The following SORCS2 variants were observed in gnomAD, a reference collection of about 807,000 sequenced individuals.
The protein encoded by SORCS2 is sortilin related VPS10 domain containing receptor 2, also known as VPS10 domain-containing receptor SorCS2.
Under a neutral mutation model 141.6 loss-of-function variants are expected in SORCS2, and 100 were observed. The observed-to-expected ratio is 0.71, with a 90% CI of 0.60 to 0.83. The LOEUF is 0.83. SORCS2 is among the 40% of genes least tolerant of loss of function. SORCS2 has a pLI of 0.00. For synonymous variants in SORCS2, 789 were observed against 676.9 expected (o/e 1.17, Z -2.57); for missense variants, 1,646 against 1,560.2 (o/e 1.05, Z -0.93).
chr4:7,344,477 C>T (rs1720538069), intron 1 of SORCS2, among the ~76,000 whole-genome samples: 1 of 152,226 alleles, frequency 6.6e-6, no homozygotes, highest in African/African-American at 2.4e-5. Context: ...CTCTGCTCTG[C>T]TCCTTCATCA....
At chr4:7,348,290 G>A (rs986989453) in intron 1 of SORCS2, among the ~76,000 whole-genome samples, 2 of 151,926 alleles carry the variant, frequency 1.3e-5, no homozygotes, top group African/African-American at 4.8e-5. Flanking sequence ...TTCATTCAGA[G>A]AAAGCATATT....
At chr4:7,508,334 A>G (rs1295328999) in intron 2 of SORCS2, among the ~76,000 whole-genome samples, 1 of 138,594 alleles carries the variant, frequency 7.2e-6, no homozygotes, top group African/African-American at 2.6e-5. Flanking sequence ...TTACCTGAGG[A>G]TGCTGAGATC....
intron 11 of SORCS2, among the ~76,000 whole-genome samples, chr4:7,690,435 T>G (rs1050267942): frequency 6.9e-5 from 10 of 145,776 alleles, no homozygotes; most frequent in Middle Eastern, 3.5e-3. Context: ...TGTGGGTGGG[T>G]GGATGGATGG....
intron 1 of SORCS2, among the ~76,000 whole-genome samples, chr4:7,194,609 G>C (rs1476911131): frequency 6.6e-6 from 1 of 152,140 alleles, no homozygotes; most frequent in Non-Finnish European, 1.5e-5. Flanking sequence ...GGGCCAGCAG[G>C]GGGCAGTCAG....
rs906300486 is a variant in SORCS2 at position 7,711,845 on chromosome 4, G to A, written c.1869-888G>A. Among the ~76,000 whole-genome samples, 4 of 152,190 alleles carry A rather than the reference G, an allele frequency of 2.6e-5. No homozygotes were observed. The South Asian group carries it at 8.3e-4, about 32-fold the overall frequency. On this transcript the variant is annotated intron_variant, in intron 14 of 26. Transcript: ENST00000507866. ...GCTTCCAGCACCCATGGATGCCGCA[G>A]GGTGCCTCCCCACCTCCAAGAAGTC...
chr4:7,446,702 G>C (rs140705150), intron 2 of SORCS2, among the ~76,000 whole-genome samples: 1 of 152,166 alleles, frequency 6.6e-6, no homozygotes, highest in Non-Finnish European at 1.5e-5. Flanking sequence ...CCTGTTCCTG[G>C]CATACAAGGG....
rs200230165 is a variant in SORCS2 at position 7,729,662 on chromosome 4, C to T, written c.3058C>T (p.Leu1020Phe). 20 of 1,607,434 alleles carry T rather than the reference C, an allele frequency of 1.2e-5. No individual in the cohort carries two copies. Among genetic ancestry groups the T allele is most frequent in the Middle Eastern group, 3.3e-4 (2 of 6,054 alleles). Residue 1020 changes from leucine to phenylalanine, a missense_variant, in exon 23 of 27, where the codon CTC becomes TTC. By Grantham distance (22) the Leu-to-Phe change is conservative (BLOSUM62 0). Coordinates refer to ENST00000507866, the MANE Select transcript of SORCS2 (RefSeq NM_020777.3). ...GLPTLADLYV[L>F]LPPPRPTRKR... Reference sequence around the variant, plus strand: ...GCCCACTTTGGCCGATCTGTACGTGCTCCTGCCCCCTCCCAGGCCCACAAG... The same window carrying T: ...GCCCACTTTGGCCGATCTGTACGTGTTCCTGCCCCCTCCCAGGCCCACAAG...
At position 7,655,465 on chromosome 4, in the gene SORCS2, T is replaced by TG; in HGVS notation, c.887+1260dup. 3.3e-5 allele frequency among the ~76,000 whole-genome samples: 5 copies of TG among 152,368 alleles called. 1 individual carries two copies. The highest frequency in any genetic ancestry group is 3.3e-4 in the Admixed American group (5 of 15,310). ...AACAATATTATTAAGAGGTTCAAGT[T>TG]GGCGGCTGCAGAGTGGGCAAGGGCC... On this transcript the variant is annotated intron_variant, in intron 5 of 26. Coordinates refer to ENST00000507866, the MANE Select transcript of SORCS2 (RefSeq NM_020777.3).
intron 3 of SORCS2, among the ~76,000 whole-genome samples, chr4:7,602,363 GCGGC>G: frequency 6.6e-6 from 1 of 151,188 alleles, no homozygotes; most frequent in Non-Finnish European, 1.5e-5. Flanking sequence ...CCCAGACGGG[GCGGC>G]TGCTGGGCGG....
chr4:7,413,391 CTT>C (rs34379092), intron 2 of SORCS2, among the ~76,000 whole-genome samples: 156 of 84,810 alleles, frequency 1.8e-3, no homozygotes, highest in African/African-American at 6.2e-3. Context: ...TTCACAGCTG[CTT>C]TTTTTTTTTT....
Position 7,264,713 on chromosome 4 carries a change from C to A in SORCS2, c.480+71587C>A, listed in dbSNP as rs1714603345. ...GCTGGGAGCAGGCAGGGGCTGGCCT[C>A]CCTATGGAAAGCCCCTCACCATGCC... On this transcript the variant is annotated intron_variant, in intron 1 of 26. Transcript: ENST00000507866. Among the ~76,000 whole-genome samples, 3 of 152,204 alleles carry A rather than the reference C, an allele frequency of 2.0e-5. No homozygotes were observed. In the South Asian group the frequency reaches 6.2e-4, roughly 32 times the overall value.
At chr4:7,712,982 A>G in intron 15 of SORCS2, 129 bp downstream of exon 15, 1 of 1,363,836 alleles carries the variant, frequency 7.3e-7, no homozygotes, top group Non-Finnish European at 9.9e-7. Context: ...TCTTCAGGGA[A>G]TCCCCAGCGC....
In SORCS2 at chr4:7,643,246, C is replaced by T. The variant is rs146870277; in HGVS notation, c.813+4754C>T. On this transcript the variant is annotated intron_variant, in intron 4 of 26. Transcript: ENST00000507866. The stretch of plus-strand genomic sequence containing the variant: ...ATATGCATTTCTTCCAAGGCTCAGC[C>T]GACTGCAGTAGGCTCTTGGGATTGG... 4.9e-4 allele frequency among the ~76,000 whole-genome samples: 74 copies of T among 152,292 alleles called. 1 individual carries two copies. The highest frequency in any genetic ancestry group is 1.3e-3 in the African/African-American group (55 of 41,552).
chr4:7,701,522 C>T (rs1725081766), intron 12 of SORCS2, among the ~76,000 whole-genome samples: 1 of 152,160 alleles, frequency 6.6e-6, no homozygotes, highest in African/African-American at 2.4e-5. Flanking sequence ...TCAAGGTGGG[C>T]AGGGGCCCCT....
intron 1 of SORCS2, among the ~76,000 whole-genome samples, chr4:7,275,347 T>A (rs1420553664): frequency 6.6e-6 from 1 of 152,184 alleles, no homozygotes; most frequent in Non-Finnish European, 1.5e-5. Context: ...TACTTTCCAA[T>A]GAAATGTATC....
intron 3 of SORCS2, among the ~76,000 whole-genome samples, chr4:7,563,893 T>C (rs1403931338): frequency 6.6e-6 from 1 of 152,168 alleles, no homozygotes; most frequent in Non-Finnish European, 1.5e-5. Context: ...GTGAGAACAA[T>C]TGGGCTAAAA....
chr4:7,717,940 C>T, intron 17 of SORCS2, 72 bp from the exon 18 acceptor site: 1 of 1,451,596 alleles, frequency 6.9e-7, no homozygotes, highest in Non-Finnish European at 9.1e-7. Flanking sequence ...AAGCACGTCC[C>T]TCCCCAGACT....
chr4:7,675,794 C>T (rs1723065137), intron 8 of SORCS2, among the ~76,000 whole-genome samples: 1 of 152,182 alleles, frequency 6.6e-6, no homozygotes, highest in Non-Finnish European at 1.5e-5. Flanking sequence ...CCAGGCCACC[C>T]TCCCATAACC....
intron 2 of SORCS2, among the ~76,000 whole-genome samples, chr4:7,417,794 T>TG (rs1166713857): frequency 1.3e-5 from 2 of 152,092 alleles, no homozygotes; most frequent in African/African-American, 2.4e-5. Context: ...TTCAATTCAA[T>TG]GGGGAGTGAG....
Sources: gnomAD v4.1 joint callset for allele counts (sites outside exome capture counted in the v4.1 genomes callset) on GRCh38, gnomAD v4.1.1 for gene constraint, MANE v1.5 for transcripts, NCBI Gene and HGNC (gene_info 2026-07-23, HGNC 2026-07-21) for gene names.